PDE4B: variants seen among roughly 807,000 people sequenced by gnomAD.
PDE4B encodes 3',5'-cyclic-AMP phosphodiesterase 4B.
A neutral mutation model predicts 82.2 loss-of-function variants in PDE4B; 20 were observed. The observed-to-expected ratio is 0.24, with a 90% CI of 0.17 to 0.35. The LOEUF (loss-of-function observed/expected upper bound fraction) is 0.35. PDE4B is among the 10% of genes least tolerant of loss of function. PDE4B has a pLI of 1.00. For missense variants in PDE4B, 655 were observed against 907.2 expected (o/e 0.72, Z 3.57); for synonymous variants, 320 against 318.9 (o/e 1.00, Z -0.04).
At chr1:66,000,309 A>G (rs534075205) in intron 3 of PDE4B, among the ~76,000 whole-genome samples, 1 of 152,240 alleles carries the variant, frequency 6.6e-6, no homozygotes, top group South Asian at 2.1e-4. Flanking sequence ...AGAATGCTTA[A>G]TTATCTATAT....
chr1:66,180,166 G>A (rs112353286), intron 3 of PDE4B, among the ~76,000 whole-genome samples: 252 of 152,226 alleles, frequency 1.7e-3, no homozygotes, highest in African/African-American at 5.3e-3. Context: ...ACGAATACAT[G>A]TATTGCAATC....
rs1452275693 is a variant in PDE4B, at chr1:66,372,907, T to G, written c.*229T>G. On this transcript the variant is annotated 3_prime_UTR_variant, in exon 17 of 17. Transcript: ENST00000341517. The stretch of plus-strand genomic sequence containing the variant: ...GCTTGGTGGAGAGGGCTGAAGCTGT[T>G]GCTGGGGGCCGATTCTGATCAAGAC... The G allele has an allele frequency of 2.0e-6, 1 of 507,024 alleles. No homozygotes were observed. Among genetic ancestry groups the G allele is most frequent in the Non-Finnish European group, 3.5e-6 (1 of 282,544 alleles). 31.4% of individuals were successfully genotyped at this position (507,024 alleles called of 1,614,324 possible).
chr1:65,854,718 A>G (rs1045940146), intron 1 of PDE4B, among the ~76,000 whole-genome samples: 2 of 151,986 alleles, frequency 1.3e-5, no homozygotes, highest in African/African-American at 4.8e-5. Context: ...AGTTTGCTGA[A>G]ATTCTTGCAA....
chr1:66,174,512 C>T (rs940410953), intron 3 of PDE4B, among the ~76,000 whole-genome samples: 1 of 152,038 alleles, frequency 6.6e-6, no homozygotes, highest in Non-Finnish European at 1.5e-5. Context: ...AATCCCAGCA[C>T]TTTAGGAGGC....
chr1:66,224,475 T>A (rs923527860), intron 3 of PDE4B, among the ~76,000 whole-genome samples: 2 of 152,018 alleles, frequency 1.3e-5, no homozygotes, highest in African/African-American at 4.8e-5. Flanking sequence ...TCCCAGAACT[T>A]TGGGAGGCCG....
chr1:65,919,845 T>A (rs1379945984), intron 3 of PDE4B, among the ~76,000 whole-genome samples: 1 of 152,208 alleles, frequency 6.6e-6, no homozygotes, highest in Non-Finnish European at 1.5e-5. Flanking sequence ...CTTTAGTCAA[T>A]GTTTACCTGA....
intron 3 of PDE4B, among the ~76,000 whole-genome samples, chr1:65,969,698 C>CAT (rs1650030457): frequency 6.6e-6 from 1 of 151,676 alleles, no homozygotes; most frequent in Non-Finnish European, 1.5e-5. Flanking sequence ...ATACTTTTGC[C>CAT]CATGGATATT....
chr1:66,008,010 C>A (rs942753572), intron 3 of PDE4B, among the ~76,000 whole-genome samples: 1 of 152,146 alleles, frequency 6.6e-6, no homozygotes, highest in Non-Finnish European at 1.5e-5. Flanking sequence ...CCCTTTGCAA[C>A]TTCCAACTCC....
chr1:65,814,502 T>C (rs894175615), intron 1 of PDE4B, among the ~76,000 whole-genome samples: 2 of 152,198 alleles, frequency 1.3e-5, no homozygotes, highest in Non-Finnish European at 2.9e-5. Context: ...TTTAAAAGGC[T>C]ACAATTTAGT....
At chr1:65,865,735 G>A (rs925403097) in intron 1 of PDE4B, among the ~76,000 whole-genome samples, 7 of 152,142 alleles carry the variant, frequency 4.6e-5, no homozygotes, top group African/African-American at 1.7e-4. Flanking sequence ...GTCCCAATGA[G>A]ATGAACTGGG....
chr1:66,287,745 A>C (rs1361359287), intron 7 of PDE4B, among the ~76,000 whole-genome samples: 1 of 152,042 alleles, frequency 6.6e-6, no homozygotes, highest in Non-Finnish European at 1.5e-5. Context: ...AGGTGGGAGG[A>C]TTTCTTGAGG....
At chr1:65,856,964 T>C (rs1646400388) in intron 1 of PDE4B, among the ~76,000 whole-genome samples, 1 of 152,206 alleles carries the variant, frequency 6.6e-6, no homozygotes, top group South Asian at 2.1e-4. Flanking sequence ...ATCTTGGAGT[T>C]ATCCTTGACT....
intron 4 of PDE4B, among the ~76,000 whole-genome samples, chr1:66,251,716 A>G (rs1045825750): frequency 6.6e-6 from 1 of 152,166 alleles, no homozygotes; most frequent in African/African-American, 2.4e-5. Context: ...AGGAGAGGCC[A>G]GGTGCTAACT....
At position 66,122,707 on chromosome 1, in the gene PDE4B, T is replaced by C. The variant is rs1189685552; in HGVS notation, c.282-124753T>C. 6.2e-5 allele frequency among the ~76,000 whole-genome samples: 9 copies of C among 145,986 alleles called. No individual in the cohort carries two copies. The East Asian group carries it at 1.6e-3, about 25-fold the overall frequency. On this transcript the variant is annotated intron_variant, in intron 3 of 16. Transcript: ENST00000341517. ...TTTTTTTCTTTCTCTTCTTTTCTTT[T>C]TTTTTTTTTTTTTTTGAGACAGAGT...
intron 3 of PDE4B, among the ~76,000 whole-genome samples, chr1:66,134,626 G>A (rs188287017): frequency 6.6e-6 from 1 of 152,298 alleles, no homozygotes; most frequent in African/African-American, 2.4e-5. Flanking sequence ...TTAACAGGTT[G>A]CTTATGCTAT....
chr1:65,888,825 A>C (rs1305774634), intron 1 of PDE4B, among the ~76,000 whole-genome samples: 2 of 152,090 alleles, frequency 1.3e-5, no homozygotes, highest in East Asian at 3.9e-4. Flanking sequence ...TGAATTTATT[A>C]ATTTATTAGA....
chr1:65,926,061 CCTCACCCTGGCATGGCTGGGCTTT>C (rs1441569067), intron 3 of PDE4B, among the ~76,000 whole-genome samples: 1 of 152,136 alleles, frequency 6.6e-6, no homozygotes, highest in Non-Finnish European at 1.5e-5. Flanking sequence ...CTTTTGAATG[CCTCACCCTGGCATGGCTGGGCTTT>C]GATTACAGTT....
intron 3 of PDE4B, among the ~76,000 whole-genome samples, chr1:65,990,864 C>T (rs1371964062): frequency 1.3e-5 from 2 of 152,188 alleles, no homozygotes; most frequent in East Asian, 3.9e-4. Context: ...TATAACTGTG[C>T]TTTTGTTCAT....
intron 3 of PDE4B, among the ~76,000 whole-genome samples, chr1:66,143,444 G>A (rs1646212276): frequency 6.6e-6 from 1 of 152,192 alleles, no homozygotes; most frequent in South Asian, 2.1e-4. Flanking sequence ...GAAGTAAGGA[G>A]TAATGCAGAG....
Sources: gnomAD v4.1 joint callset for allele counts (sites outside exome capture counted in the v4.1 genomes callset) on GRCh38, gnomAD v4.1.1 for gene constraint, MANE v1.5 for transcripts, NCBI Gene and HGNC (gene_info 2026-07-23, HGNC 2026-07-21) for gene names.